Variants in KLHL29 observed in about 807,000 individuals in gnomAD.
KLHL29 encodes the protein kelch like family member 29, also known as kelch-like protein 29.
A neutral mutation model predicts 80.4 loss-of-function variants in KLHL29; 21 were observed. The observed-to-expected ratio is 0.26, with a 90% CI of 0.19 to 0.38. The LOEUF is 0.38. Ranked by LOEUF, KLHL29 falls within the 10% of genes least tolerant of loss-of-function variation. The pLI is 1.00. For missense variants in KLHL29, 867 were observed against 1,223.9 expected, an observed-to-expected ratio of 0.71 and a Z score of 4.35; for synonymous variants, 511 against 526.8, an observed-to-expected ratio of 0.97 and a Z score of 0.41.
chr2:23,636,320 T>G (rs1464669886), intron 3 of KLHL29, among the ~76,000 whole-genome samples: 1 of 151,950 alleles, frequency 6.6e-6, no homozygotes, highest in Non-Finnish European at 1.5e-5. Flanking sequence ...ATAAAATTCC[T>G]GAACTACAGG....
chr2:23,421,744 G>A (rs1437399538), intron 1 of KLHL29, among the ~76,000 whole-genome samples: 1 of 150,866 alleles, frequency 6.6e-6, no homozygotes, highest in Non-Finnish European at 1.5e-5. Flanking sequence ...GTGTATGTGT[G>A]TGTGTTCATG....
At chr2:23,408,408 A>G (rs2103393333) in intron 1 of KLHL29, among the ~76,000 whole-genome samples, 1 of 151,760 alleles carries the variant, frequency 6.6e-6, no homozygotes, top group East Asian at 1.9e-4. Flanking sequence ...TCATTCAGGA[A>G]TGTGCTATTC....
intron 2 of KLHL29, among the ~76,000 whole-genome samples, chr2:23,550,164 C>T (rs1370925819): frequency 6.6e-6 from 1 of 152,010 alleles, no homozygotes; most frequent in Non-Finnish European, 1.5e-5. Context: ...TGCACTGAGC[C>T]GGGTATAATG....
intron 3 of KLHL29, among the ~76,000 whole-genome samples, chr2:23,625,336 T>C (rs1029844950): frequency 1.4e-4 from 21 of 152,236 alleles, no homozygotes; most frequent in African/African-American, 4.8e-4. Flanking sequence ...TGGAACAAGC[T>C]ATTTCTGAAC....
chr2:23,478,527 G>A (rs546198056), intron 2 of KLHL29, among the ~76,000 whole-genome samples: 1 of 152,166 alleles, frequency 6.6e-6, no homozygotes, highest in Non-Finnish European at 1.5e-5. Context: ...ACCCAAATAA[G>A]TAAGAAGGCC....
chr2:23,635,415 A>C (rs1669582114), intron 3 of KLHL29, among the ~76,000 whole-genome samples: 1 of 152,130 alleles, frequency 6.6e-6, no homozygotes, highest in African/African-American at 2.4e-5. Flanking sequence ...AAGCTGGTGG[A>C]GTGAACCCAC....
At position 23,706,361 on chromosome 2, in the gene KLHL29, T is replaced by A. The variant is rs1672724372; in HGVS notation, c.2445-120T>A. On this transcript the variant is annotated intron_variant, in intron 13 of 13. Transcript: ENST00000486442. ...TAGAGGGCAAAGAAGGGCAGCAAGATCCCAGATGCCTTCTGCAAAAGGCAC... is the reference window on the plus strand; with the variant it reads ...TAGAGGGCAAAGAAGGGCAGCAAGAACCCAGATGCCTTCTGCAAAAGGCAC... 3 of 712,264 alleles carry A rather than the reference T, an allele frequency of 4.2e-6. No individual in the cohort carries two copies. In the Admixed American group the frequency reaches 1.2e-4, roughly 29 times the overall value. 44.1% of individuals were successfully genotyped at this position (712,264 alleles called of 1,614,324 possible). A position where few individuals can be genotyped will look rare whatever the true frequency, so the allele number is the denominator to read the frequency against.
chr2:23,389,187 A>G (rs1033937434), intron 1 of KLHL29, among the ~76,000 whole-genome samples: 5 of 151,950 alleles, frequency 3.3e-5, no homozygotes, highest in Non-Finnish European at 5.9e-5. Context: ...ATTTAGTCAC[A>G]GCATATAGTG....
chr2:23,565,817 G>A (rs532336342), intron 3 of KLHL29, among the ~76,000 whole-genome samples: 13 of 152,224 alleles, frequency 8.5e-5, no homozygotes, highest in Non-Finnish European at 1.6e-4. Context: ...AGCCACCCTC[G>A]GAAACTCAGC....
chr2:23,645,829 T>C (rs1669912011), intron 5 of KLHL29, among the ~76,000 whole-genome samples: 1 of 152,230 alleles, frequency 6.6e-6, no homozygotes, highest in Non-Finnish European at 1.5e-5. Context: ...ATTTAAAACT[T>C]AACCAGTTGA....
At chr2:23,703,917 G>T in intron 13 of KLHL29, 54 bp downstream of exon 13, 1 of 1,495,758 alleles carries the variant, frequency 6.7e-7, no homozygotes, top group Non-Finnish European at 8.9e-7. Context: ...GGGAGGAGGA[G>T]GGGTGTGACC....
rs868291629 is a variant in KLHL29, at chr2:23,441,335, G to T, written c.-153-34225G>T. 3.9e-3 allele frequency among the ~76,000 whole-genome samples: 463 copies of T among 117,470 alleles called. 3 individuals are homozygous for T. The highest frequency in any genetic ancestry group is 0.014 in the African/African-American group (417 of 29,822). The allele number at this position is 117,470 out of a possible 152,430, so 77.1% of individuals were successfully genotyped here. A position where few individuals can be genotyped will look rare whatever the true frequency, so the allele number is the denominator to read the frequency against. On this transcript the variant is annotated intron_variant, in intron 1 of 13. Transcript: ENST00000486442. ...CACACTCTGGGGACTGTGGCGGGGT[G>T]GGGGGAGGGGGGAGGGATAGCATTA...
At chr2:23,481,011 T>C (rs996526346) in intron 2 of KLHL29, among the ~76,000 whole-genome samples, 6 of 152,242 alleles carry the variant, frequency 3.9e-5, no homozygotes, top group African/African-American at 1.4e-4. Flanking sequence ...CAAATCATGT[T>C]GTAACAGATT....
chr2:23,625,409 G>A (rs926600836), intron 3 of KLHL29, among the ~76,000 whole-genome samples: 1 of 152,242 alleles, frequency 6.6e-6, no homozygotes, highest in South Asian at 2.1e-4. Flanking sequence ...AAATTGCACA[G>A]GGGCACGGTG....
At chr2:23,578,996 C>T (rs1203708283) in intron 3 of KLHL29, among the ~76,000 whole-genome samples, 1 of 152,236 alleles carries the variant, frequency 6.6e-6, no homozygotes. Flanking sequence ...TCGCCTCTAT[C>T]TGATGTTCTC....
chr2:23,431,252 A>G (rs1663168086), intron 1 of KLHL29, among the ~76,000 whole-genome samples: 1 of 152,244 alleles, frequency 6.6e-6, no homozygotes. Context: ...GAGTTGGCAG[A>G]TGGGTCCTTT....
chr2:23,572,847 C>T (rs1667749522), intron 3 of KLHL29, among the ~76,000 whole-genome samples: 1 of 152,178 alleles, frequency 6.6e-6, no homozygotes, highest in Non-Finnish European at 1.5e-5. Context: ...ACTACAGGCA[C>T]CCGCCTCCGC....
intron 3 of KLHL29, among the ~76,000 whole-genome samples, chr2:23,567,332 A>G (rs960884119): frequency 3.9e-5 from 6 of 152,226 alleles, no homozygotes; most frequent in Admixed American, 2.0e-4. Flanking sequence ...AGGAGCACTC[A>G]TGCTGAAACA....
chr2:23,616,704 C>T (rs1416418796), intron 3 of KLHL29: 2 of 152,212 alleles, frequency 1.3e-5, no homozygotes, highest in African/African-American at 4.8e-5. Context: ...TTATCCCTTT[C>T]TGGAAATGAG....
Sources: allele counts gnomAD v4.1 joint callset (sites outside exome capture counted in the v4.1 genomes callset), GRCh38; gene constraint gnomAD v4.1.1; transcripts MANE v1.5; gene names NCBI Gene and HGNC (gene_info 2026-07-23, HGNC 2026-07-21).